The following MED6 variants were observed in gnomAD, a reference collection of about 807,000 sequenced individuals.
MED6 encodes mediator complex subunit 6, also known as mediator of RNA polymerase II transcription subunit 6.
In MED6, 33 loss-of-function variants were observed where a neutral mutation model predicts 37.5. That is an observed-to-expected ratio of 0.88 (90% CI 0.67 to 1.18). The LOEUF is 1.18. Ranked by LOEUF, MED6 falls within the 50% of genes most tolerant of loss-of-function variation. MED6 has a pLI of 0.00. For missense variants in MED6, 235 were observed against 290.6 expected, an observed-to-expected ratio of 0.81 and a Z score of 1.39; for synonymous variants, 94 against 93.6, an observed-to-expected ratio of 1.00 and a Z score of -0.02.
intron 3 of MED6, chr14:70,594,665 C>T (rs1363840920): frequency 2.2e-5 from 10 of 451,634 alleles, no homozygotes; most frequent in East Asian, 1.0e-4. Flanking sequence ...ATACAGGCAC[C>T]GGAGGCTCTG....
At chr14:70,595,041 T>C in intron 3 of MED6, 1 of 562,892 alleles carries the variant, frequency 1.8e-6, no homozygotes, top group Middle Eastern at 5.5e-4. Flanking sequence ...ATCTTGCTGC[T>C]GATAGAGTCA....
At chr14:70,599,936 A>G (rs1454289221) in intron 1 of MED6, among the ~76,000 whole-genome samples, 2 of 152,186 alleles carry the variant, frequency 1.3e-5, no homozygotes, top group East Asian at 3.9e-4. Flanking sequence ...TATTAAAAAA[A>G]GGCATCTCAA....
At position 70,584,682 on chromosome 14, in the gene MED6, C is replaced by A; in HGVS notation, c.*131G>T. 8.1e-7 allele frequency: 1 copy of A among 1,237,984 alleles called. No individual in the cohort carries two copies. The highest frequency in any genetic ancestry group is 1.6e-5 in the South Asian group (1 of 64,204). The allele number at this position is 1,237,984 out of a possible 1,614,324, so 76.7% of individuals were successfully genotyped here. A position where few individuals can be genotyped will look rare whatever the true frequency, so the allele number is the denominator to read the frequency against. ...TGAGCCACCACATCCGGCCTAATAT[C>A]CTTTCAAAAAATAAGCGCATTCCAT... is the stretch of plus-strand genomic sequence containing the variant. On this transcript the variant is annotated 3_prime_UTR_variant, in exon 8 of 8. Coordinates refer to ENST00000256379, the MANE Select transcript of MED6 (RefSeq NM_005466.4).
rs758929560 is a variant in MED6 at position 70,584,843 on chromosome 14, G to C, written c.711C>G (p.Gly237=). The C allele has an allele frequency of 9.3e-6, 15 of 1,613,876 alleles. No individual in the cohort carries two copies. The Admixed American group carries it at 2.3e-4, about 25-fold the overall frequency. ...GAAGTCTCATCCGTTTTTCAGGGGGGCCTTTAGCACTCACTGTCTGTTGTA... is the reference window on the plus strand; with the variant it reads ...GAAGTCTCATCCGTTTTTCAGGGGGCCCTTTAGCACTCACTGTCTGTTGTA... ...KNVQQTVSAK[G]PPEKRMRLQ is the part of the protein sequence containing the mutation. The change falls in exon 8 of 8, where the codon GGC becomes GGG. Residue 237 remains glycine (G), a synonymous_variant. Coordinates refer to ENST00000256379, the MANE Select transcript of MED6 (RefSeq NM_005466.4).
Position 70,584,362 on chromosome 14 carries a change from A to G in MED6, c.*451T>C. 1 of 479,452 alleles carries G rather than the reference A, an allele frequency of 2.1e-6. No individual in the cohort carries two copies. Among genetic ancestry groups the G allele is most frequent in the East Asian group, 3.3e-5 (1 of 30,004 alleles). 29.7% of individuals were successfully genotyped at this position (479,452 alleles called of 1,614,324 possible). A position where few individuals can be genotyped will look rare whatever the true frequency, so the allele number is the denominator to read the frequency against. On this transcript the variant is annotated 3_prime_UTR_variant, in exon 8 of 8. Coordinates refer to ENST00000256379, the MANE Select transcript of MED6 (RefSeq NM_005466.4). ...ATATAACAAATATTCACAAGAAATC[A>G]TGATGGGAATAATATCTTTTCTTCT...
At chr14:70,585,358 TTCACTACCACAA>T (rs148033095) in intron 7 of MED6, among the ~76,000 whole-genome samples, 2,894 of 152,202 alleles carry the variant, frequency 0.019, 105 homozygotes, top group African/African-American at 0.066. Flanking sequence ...AATTCATCTT[TTCACTACCACAA>T]TCACTACCAC....
At chr14:70,599,193 G>A (rs147313185) in intron 1 of MED6, among the ~76,000 whole-genome samples, 171 of 152,276 alleles carry the variant, frequency 1.1e-3, no homozygotes, top group Admixed American at 2.1e-3. Flanking sequence ...AATTCAAGGT[G>A]ACAGGCAGTT....
chr14:70,592,845 A>G lies in MED6; in HGVS notation c.466+35T>C, dbSNP rs781419406. The G allele has an allele frequency of 3.7e-6, 6 of 1,605,898 alleles. No homozygotes were observed. In the African/African-American group the frequency reaches 6.7e-5, roughly 18 times the overall value. On this transcript the variant is annotated intron_variant, in intron 5 of 7. Coordinates refer to ENST00000256379, the MANE Select transcript of MED6 (RefSeq NM_005466.4). ...AACAGCTTCATTCTCAGAGGATCAA[A>G]AAGTGTTTTAGGAGGGTATGGATGT...
intron 2 of MED6, 87 bp from the exon 3 acceptor site, chr14:70,596,789 G>T (rs1595054358): frequency 4.2e-6 from 4 of 955,122 alleles, no homozygotes; most frequent in African/African-American, 1.7e-5. Flanking sequence ...TAAAAATGCA[G>T]CAACACTTTA....
At chr14:70,600,357 A>T (rs1595056814) in intron 1 of MED6, among the ~76,000 whole-genome samples, 2 of 150,422 alleles carry the variant, frequency 1.3e-5, no homozygotes, top group South Asian at 4.2e-4. Flanking sequence ...GTAGAACAAA[A>T]CTCCAGCTCT....
chr14:70,600,060 C>G (rs566557102), intron 1 of MED6, among the ~76,000 whole-genome samples: 5 of 152,038 alleles, frequency 3.3e-5, no homozygotes, highest in Non-Finnish European at 7.4e-5. Context: ...CTGACTGATT[C>G]AATATTTGAG....
chr14:70,584,572 C>A lies in MED6; in HGVS notation c.*241G>T, dbSNP rs1002991857. 1.5e-5 allele frequency: 6 copies of A among 387,890 alleles called. No homozygotes were observed. Among genetic ancestry groups the A allele is most frequent in the African/African-American group, 1.3e-4 (6 of 47,488 alleles). The allele number at this position is 387,890 out of a possible 1,614,324, so 24.0% of individuals were successfully genotyped here. Reference sequence around the variant, plus strand: ...TGTATTTTTAGTAGAGACGGGGTTTCACCATATTGGTCAGGCTGGTCTTGA... The same window carrying A: ...TGTATTTTTAGTAGAGACGGGGTTTAACCATATTGGTCAGGCTGGTCTTGA... On this transcript the variant is annotated 3_prime_UTR_variant, in exon 8 of 8. Transcript: ENST00000256379.
intron 5 of MED6, chr14:70,592,638 T>G: frequency 3.1e-6 from 1 of 325,088 alleles, no homozygotes. Context: ...CCAAATATTT[T>G]AAAACCTTGA....
chr14:70,592,899 G>A lies in MED6; in HGVS notation c.447C>T (p.Phe149=). The A allele has an allele frequency of 6.2e-7, 1 of 1,613,790 alleles. No homozygotes were observed. Among genetic ancestry groups the A allele is most frequent in the Non-Finnish European group, 8.5e-7 (1 of 1,179,842 alleles). ...ACTTACCTTGCTCTTCATGATCTTT[G>A]AAGTGCCACCAATACCCTTTGGAAG... ...YHPSKGYWWH[F]KDHEEQDKVR... The change falls in exon 5 of 8, where the codon TTC becomes TTT. Residue 149 remains phenylalanine, a synonymous_variant. Transcript: ENST00000256379.
chr14:70,595,910 G>T (rs1156884969), intron 3 of MED6: 2 of 527,448 alleles, frequency 3.8e-6, no homozygotes, highest in Non-Finnish European at 6.9e-6. Context: ...AAATTACTTG[G>T]GATGCTTGAC....
At position 70,594,761 on chromosome 14, in the gene MED6, G is replaced by C. The variant is rs987738146; in HGVS notation, c.275-1383C>G. 7 of 544,526 alleles carry C rather than the reference G, an allele frequency of 1.3e-5. No homozygotes were observed. In the African/African-American group the frequency reaches 1.3e-4, roughly 10 times the overall value. The allele number at this position is 544,526 out of a possible 1,614,324, so 33.7% of individuals were successfully genotyped here. A position where few individuals can be genotyped will look rare whatever the true frequency, so the allele number is the denominator to read the frequency against. On this transcript the variant is annotated intron_variant, in intron 3 of 7. Transcript: ENST00000256379. ...TGGCCATGGGATGGCCAGGGTTCTA[G>C]CAGGAATGGGAGGCATCCAGAACGA...
chr14:70,589,417 T>C (rs938346669), intron 6 of MED6, among the ~76,000 whole-genome samples: 14 of 152,196 alleles, frequency 9.2e-5, no homozygotes, highest in African/African-American at 3.4e-4. Flanking sequence ...CACCACTCCC[T>C]TGCAACTACT....
intron 5 of MED6, among the ~76,000 whole-genome samples, chr14:70,592,258 T>A (rs888459502): frequency 1.3e-5 from 2 of 152,126 alleles, no homozygotes; most frequent in African/African-American, 4.8e-5. Flanking sequence ...GCAGATTACA[T>A]GGAAACTTGG....
chr14:70,584,016 T>C lies in MED6; in HGVS notation c.*797A>G, dbSNP rs1884623505. 2.2e-6 allele frequency: 1 copy of C among 463,750 alleles called. No homozygotes were observed. Among genetic ancestry groups the C allele is most frequent in the Non-Finnish European group, 3.8e-6 (1 of 262,878 alleles). The allele number at this position is 463,750 out of a possible 1,614,324, so 28.7% of individuals were successfully genotyped here. A position where few individuals can be genotyped will look rare whatever the true frequency, so the allele number is the denominator to read the frequency against. ...ATCTACACACAGAATAAGATTAAAA[T>C]TCACAACACTGTTACAGTATTTATA... is the stretch of plus-strand genomic sequence containing the variant. On this transcript the variant is annotated 3_prime_UTR_variant, in exon 8 of 8. Coordinates refer to ENST00000256379, the MANE Select transcript of MED6 (RefSeq NM_005466.4).
Sources: allele counts gnomAD v4.1 joint callset (sites outside exome capture counted in the v4.1 genomes callset), GRCh38; gene constraint gnomAD v4.1.1; transcripts MANE v1.5; gene names NCBI Gene and HGNC (gene_info 2026-07-23, HGNC 2026-07-21).